AFF3: variants seen among roughly 807,000 people sequenced by gnomAD.
AFF3 encodes the protein AF4/FMR2 family member 3.
A neutral mutation model predicts 129.7 loss-of-function variants in AFF3; 32 were observed. The observed-to-expected ratio is 0.25, with a 90% confidence interval of 0.19 to 0.33. AFF3 has a LOEUF of 0.33. Ranked by LOEUF, AFF3 falls within the 10% of genes least tolerant of loss-of-function variation. The pLI, the probability that AFF3 is intolerant of heterozygous loss-of-function variation, is 1.00. For synonymous variants in AFF3, 644 were observed against 635.4 expected, an observed-to-expected ratio of 1.01 and a Z score of -0.20; for missense variants, 1,373 against 1,592.0, an observed-to-expected ratio of 0.86 and a Z score of 2.34.
intron 15 of AFF3, among the ~76,000 whole-genome samples, chr2:99,588,615 AAGAG>A (rs1336693224): frequency 6.6e-6 from 1 of 152,208 alleles, no homozygotes. Flanking sequence ...GCCAACACCA[AAGAG>A]AGAAAGACTC....
At chr2:99,585,510 G>A (rs948662369) in intron 16 of AFF3, among the ~76,000 whole-genome samples, 1 of 152,094 alleles carries the variant, frequency 6.6e-6, no homozygotes, top group African/African-American at 2.4e-5. Context: ...GAACTAAGAG[G>A]CTCTTCCAGG....
At chr2:99,828,654 C>T (rs1352006100) in intron 8 of AFF3, among the ~76,000 whole-genome samples, 1 of 152,200 alleles carries the variant, frequency 6.6e-6, no homozygotes, top group Non-Finnish European at 1.5e-5. Flanking sequence ...CTGTAGTGCC[C>T]TTAGGGAATT....
At chr2:99,707,263 A>T (rs1336664794) in intron 11 of AFF3, 60 of 985,334 alleles carry the variant, frequency 6.1e-5, no homozygotes, top group Non-Finnish European at 6.6e-5. Flanking sequence ...CCAAGATTAA[A>T]GGAAGAGCCT....
intron 11 of AFF3, among the ~76,000 whole-genome samples, chr2:99,696,209 T>C (rs1402034732): frequency 6.6e-6 from 1 of 152,022 alleles, no homozygotes; most frequent in African/African-American, 2.4e-5. Context: ...TAATATCCCA[T>C]AAAATCTTTG....
At chr2:99,871,754 G>T (rs1321594946) in intron 7 of AFF3, among the ~76,000 whole-genome samples, 1 of 152,132 alleles carries the variant, frequency 6.6e-6, no homozygotes, top group African/African-American at 2.4e-5. Context: ...AGGGGGAAAA[G>T]GGTCCAAAAA....
intron 13 of AFF3, among the ~76,000 whole-genome samples, chr2:99,609,876 A>G (rs189851299): frequency 4.9e-4 from 74 of 152,310 alleles, no homozygotes; most frequent in Non-Finnish European, 7.9e-4. Context: ...GCCTGCATGT[A>G]TACATCTAGA....
chr2:100,057,120 A>C lies in AFF3; in HGVS notation c.53+47282T>G, dbSNP rs183308851. ...TGGATCACCTGAGATCAGGAGTTCG[A>C]GACCAGCGTGGCCAACACGGTGAAA... is the stretch of plus-strand genomic sequence containing the variant. On this transcript the variant is annotated intron_variant, in intron 4 of 24. Coordinates refer to ENST00000672756, the MANE Select transcript of AFF3 (RefSeq NM_001386135.1). Among the ~76,000 whole-genome samples the C allele has an allele frequency of 9.9e-5, 15 of 152,244 alleles. No individual in the cohort carries two copies. In the East Asian group the frequency reaches 2.3e-3, roughly 24 times the overall value.
chr2:100,018,558 G>C (rs1456221453), intron 4 of AFF3, among the ~76,000 whole-genome samples: 2 of 152,150 alleles, frequency 1.3e-5, no homozygotes, highest in African/African-American at 2.4e-5. Context: ...TAAACTGCCA[G>C]GCTGTATGAC....
intron 19 of AFF3, among the ~76,000 whole-genome samples, chr2:99,566,414 G>A (rs553813729): frequency 1.3e-5 from 2 of 152,230 alleles, no homozygotes; most frequent in East Asian, 1.9e-4. Context: ...TGGGCCTGGC[G>A]GCTCATGCCT....
chr2:100,106,669 G>C, intron 2 of AFF3: 4 of 986,168 alleles, frequency 4.1e-6, no homozygotes, highest in Non-Finnish European at 4.8e-6. Flanking sequence ...CTGCAGCTGG[G>C]AAGCTTCTTC....
rs115190130 is a variant in AFF3 at position 99,771,614 on chromosome 2, C to A, written c.922-19313G>T. Among the ~76,000 whole-genome samples, 799 of 152,176 alleles carry A rather than the reference C, an allele frequency of 5.3e-3. 11 individuals carry two copies. Among genetic ancestry groups the A allele is most frequent in the African/African-American group, 0.018 (764 of 41,498 alleles). The stretch of plus-strand genomic sequence containing the variant: ...TTTATATAATATTTATGTTTTAAGA[C>A]CTTATGATTCCCCCAATATTTCAAA... On this transcript the variant is annotated intron_variant, in intron 8 of 24. Transcript: ENST00000672756.
At chr2:99,630,813 T>A (rs1206506534) in intron 13 of AFF3, 1 of 233,064 alleles carries the variant, frequency 4.3e-6, no homozygotes, top group Non-Finnish European at 9.7e-6. Flanking sequence ...TCCAATCACC[T>A]CCCACCAGGT....
intron 4 of AFF3, among the ~76,000 whole-genome samples, chr2:100,076,716 G>T (rs573568607): frequency 6.6e-6 from 1 of 152,172 alleles, no homozygotes; most frequent in African/African-American, 2.4e-5. Flanking sequence ...CCCTGCTGTG[G>T]TACAAGGGAC....
chr2:99,686,216 C>G (rs942648848), intron 11 of AFF3, among the ~76,000 whole-genome samples: 1 of 152,026 alleles, frequency 6.6e-6, no homozygotes, highest in Admixed American at 6.6e-5. Context: ...GGATCCCAGT[C>G]CAATGCAGAC....
intron 13 of AFF3, among the ~76,000 whole-genome samples, chr2:99,605,228 C>A (rs934050588): frequency 4.6e-5 from 7 of 152,170 alleles, no homozygotes; most frequent in Admixed American, 3.9e-4. Context: ...GTTTTACTGG[C>A]CTAACTATTA....
intron 13 of AFF3, among the ~76,000 whole-genome samples, chr2:99,611,552 G>GT (rs1006703526): frequency 3.9e-5 from 6 of 152,044 alleles, no homozygotes; most frequent in Admixed American, 6.6e-5. Context: ...GGGGGCCACA[G>GT]TTTTTTTTCC....
chr2:99,827,160 G>T (rs192225599), intron 8 of AFF3, among the ~76,000 whole-genome samples: 3 of 152,306 alleles, frequency 2.0e-5, no homozygotes, highest in African/African-American at 7.2e-5. Context: ...GCAGGTGACA[G>T]AAGTTCAGGA....
chr2:99,833,942 A>G (rs1688680187), intron 8 of AFF3, among the ~76,000 whole-genome samples: 3 of 152,368 alleles, frequency 2.0e-5, no homozygotes, highest in African/African-American at 7.2e-5. Context: ...CGGAGTAAGG[A>G]TAAAAAATAA....
chr2:99,705,623 C>T (rs1475954450), intron 11 of AFF3, among the ~76,000 whole-genome samples: 1 of 151,990 alleles, frequency 6.6e-6, no homozygotes, highest in Non-Finnish European at 1.5e-5. Context: ...TCTGCATTCC[C>T]AGCACTTTGG....
Sources: allele counts gnomAD v4.1 joint callset (sites outside exome capture counted in the v4.1 genomes callset), GRCh38; gene constraint gnomAD v4.1.1; transcripts MANE v1.5; gene names NCBI Gene and HGNC (gene_info 2026-07-23, HGNC 2026-07-21).